Variants in ARHGAP32 observed in about 807,000 individuals in gnomAD.
ARHGAP32 encodes rho GTPase-activating protein 32.
A neutral mutation model predicts 186.5 loss-of-function variants in ARHGAP32; 51 were observed. The observed-to-expected ratio is 0.27, with a 90% confidence interval of 0.22 to 0.35. The LOEUF (loss-of-function observed/expected upper bound fraction) is 0.35, where lower values mean the gene tolerates loss of function less well. Ranked by LOEUF, ARHGAP32 falls within the 10% of genes least tolerant of loss-of-function variation. ARHGAP32 has a pLI of 1.00. For missense variants in ARHGAP32, 2,186 were observed against 2,623.5 expected (o/e 0.83, Z 3.64); for synonymous variants, 950 against 964.3 (o/e 0.99, Z 0.27).
chr11:129,083,346 G>C (rs753964777), intron 6 of ARHGAP32, among the ~76,000 whole-genome samples: 3 of 152,158 alleles, frequency 2.0e-5, no homozygotes, highest in Non-Finnish European at 2.9e-5. Context: ...ATTTATCAAT[G>C]AGTAGATAAA....
At chr11:129,274,018 CA>C (rs34977774) in intron 1 of ARHGAP32, among the ~76,000 whole-genome samples, 122,164 of 142,360 alleles carry the variant, frequency 0.86, 52,205 homozygotes, top group African/African-American at 0.93. Flanking sequence ...TAGCCGGAAG[CA>C]AAAAAAAAAA....
intron 11 of ARHGAP32, among the ~76,000 whole-genome samples, chr11:129,003,211 A>G (rs1180658329): frequency 6.6e-6 from 1 of 152,174 alleles, no homozygotes; most frequent in Non-Finnish European, 1.5e-5. Flanking sequence ...TGTATGTTGA[A>G]CTATCCTTGC....
intron 1 of ARHGAP32, among the ~76,000 whole-genome samples, chr11:129,230,459 T>C (rs373268879): frequency 6.6e-6 from 1 of 152,084 alleles, no homozygotes; most frequent in East Asian, 1.9e-4. Flanking sequence ...AGCAGAAACA[T>C]ACAATGATGC....
At chr11:129,199,778 G>A (rs916650336) in intron 1 of ARHGAP32, among the ~76,000 whole-genome samples, 37 of 152,170 alleles carry the variant, frequency 2.4e-4, no homozygotes, top group African/African-American at 7.7e-4. Context: ...GAGGACCACC[G>A]TCCTCCAGAC....
At chr11:129,053,115 T>C (rs769729308) in intron 10 of ARHGAP32, among the ~76,000 whole-genome samples, 3 of 152,092 alleles carry the variant, frequency 2.0e-5, no homozygotes, top group Non-Finnish European at 4.4e-5. Flanking sequence ...TAAAGTGTTC[T>C]TTAATGCTGA....
intron 6 of ARHGAP32, among the ~76,000 whole-genome samples, chr11:129,069,190 T>C (rs956783774): frequency 6.6e-6 from 1 of 152,046 alleles, no homozygotes; most frequent in Non-Finnish European, 1.5e-5. Flanking sequence ...TTAACTAACA[T>C]TACCTATACA....
chr11:129,093,543 G>A (rs548832906), intron 6 of ARHGAP32, 78 bp downstream of exon 6: 23 of 994,970 alleles, frequency 2.3e-5, no homozygotes, highest in African/African-American at 1.1e-4. Flanking sequence ...GGCAAATCAC[G>A]TTATAGAAAT....
chr11:129,101,375 G>T (rs909580416), intron 5 of ARHGAP32, among the ~76,000 whole-genome samples: 1 of 152,114 alleles, frequency 6.6e-6, no homozygotes, highest in African/African-American at 2.4e-5. Flanking sequence ...AATGGAAATA[G>T]AATTCAGAAT....
At chr11:129,142,182 G>A (rs1011362099) in intron 2 of ARHGAP32, among the ~76,000 whole-genome samples, 2 of 152,126 alleles carry the variant, frequency 1.3e-5, no homozygotes, top group African/African-American at 2.4e-5. Context: ...GAAAAAGAGA[G>A]GAAGAAATAC....
At chr11:129,266,191 C>A (rs1237069251) in intron 1 of ARHGAP32, among the ~76,000 whole-genome samples, 1 of 152,026 alleles carries the variant, frequency 6.6e-6, no homozygotes, top group East Asian at 1.9e-4. Context: ...GTCATAAAAA[C>A]GGAGTTCTAG....
chr11:129,213,234 G>C (rs1377268101), intron 1 of ARHGAP32, among the ~76,000 whole-genome samples: 1 of 152,050 alleles, frequency 6.6e-6, no homozygotes, highest in African/African-American at 2.4e-5. Context: ...TCACTAACAG[G>C]CTGCAATGTT....
chr11:128,986,404 A>C, intron 14 of ARHGAP32, 120 bp downstream of exon 14: 1 of 1,088,064 alleles, frequency 9.2e-7, no homozygotes. Context: ...TGTTTTTTTA[A>C]GGAGTCATTT....
chr11:128,972,568 G>A lies in ARHGAP32; in HGVS notation c.3938C>T (p.Thr1313Met), dbSNP rs781233138. 36 of 1,595,408 alleles carry A rather than the reference G, an allele frequency of 2.3e-5. No individual in the cohort carries two copies. Among genetic ancestry groups the A allele is most frequent in the Admixed American group, 1.2e-4 (7 of 59,110 alleles). Reference sequence around the variant, plus strand: ...GGGAAGGGGACGATTAGTTCTGTGCGTGCGCTGAAGTGTGGCAGCAGCAAA... The same window carrying A: ...GGGAAGGGGACGATTAGTTCTGTGCATGCGCTGAAGTGTGGCAGCAGCAAA... Reference protein sequence around the residue: ...ADFAAATLQRTHRTNRPLPPP... With the variant: ...ADFAAATLQRMHRTNRPLPPP... Residue 1313 changes from threonine (T) to methionine (M), a missense_variant, in exon 22 of 23, where the codon ACG (threonine) becomes ATG (methionine). Physicochemically the swap from Thr to Met is moderately conservative, Grantham distance 81. This residue lies in a region of ARHGAP32 where 1,502 missense variants were observed against 1,570.0 expected (regional missense o/e 0.96). Transcript: ENST00000682385.
At chr11:129,167,642 C>T (rs183821226) in intron 1 of ARHGAP32, among the ~76,000 whole-genome samples, 4 of 152,164 alleles carry the variant, frequency 2.6e-5, no homozygotes, top group African/African-American at 9.6e-5. Context: ...ATATAATTCT[C>T]TATATATGAA....
At chr11:129,160,597 C>A (rs1242705119) in intron 2 of ARHGAP32, among the ~76,000 whole-genome samples, 3 of 152,024 alleles carry the variant, frequency 2.0e-5, no homozygotes, top group African/African-American at 7.2e-5. Context: ...AAAATACTTA[C>A]AAGGGATATG....
At chr11:129,007,342 C>T (rs1470893865) in intron 11 of ARHGAP32, among the ~76,000 whole-genome samples, 1 of 152,000 alleles carries the variant, frequency 6.6e-6, no homozygotes, top group African/African-American at 2.4e-5. Context: ...TTGAAGCCAG[C>T]ATATCTCAGA....
intron 1 of ARHGAP32, among the ~76,000 whole-genome samples, chr11:129,223,694 T>C (rs948886423): frequency 1.3e-5 from 2 of 152,114 alleles, no homozygotes; most frequent in Non-Finnish European, 2.9e-5. Context: ...AAAAAACAGC[T>C]AAAGAAGTAA....
chr11:129,001,916 C>T (rs1946369589), intron 11 of ARHGAP32, among the ~76,000 whole-genome samples: 2 of 152,112 alleles, frequency 1.3e-5, no homozygotes, highest in Non-Finnish European at 2.9e-5. Context: ...AATGAGTTCA[C>T]TGTAGGTGTG....
chr11:129,044,089 C>T (rs1377960253), intron 10 of ARHGAP32, among the ~76,000 whole-genome samples: 1 of 152,094 alleles, frequency 6.6e-6, no homozygotes, highest in Non-Finnish European at 1.5e-5. Flanking sequence ...AAAGCTAACA[C>T]ATGGCTACAA....
Sources: gnomAD v4.1 joint callset for allele counts (sites outside exome capture counted in the v4.1 genomes callset) on GRCh38, gnomAD v4.1.1 for gene constraint, gnomAD v4.1.1 regional missense constraint, MANE v1.5 for transcripts, NCBI Gene and HGNC (gene_info 2026-07-23, HGNC 2026-07-21) for gene names.